The following NDP variants were observed in gnomAD, a reference collection of about 807,000 sequenced individuals.
NDP encodes norrin cystine knot growth factor NDP, also known as norrin.
NDP carries 2 observed loss-of-function variants against 8.4 expected under a neutral mutation model. The ratio of observed to expected loss-of-function variants is 0.24; its 90% confidence interval spans 0.10 to 0.75. NDP has a LOEUF of 0.75. Among genes scored for constraint, NDP ranks in the 30% least tolerant of loss-of-function variants. The pLI, the probability that NDP is intolerant of heterozygous loss-of-function variation, is 0.73. For missense variants in NDP, 81 were observed against 110.1 expected (o/e 0.74, Z 1.18); for synonymous variants, 55 against 45.6 (o/e 1.21, Z -0.83).
chrX:43,963,339 C>CTGGATGGT (rs1201453393), intron 1 of NDP, among the ~76,000 whole-genome samples: 1 of 58,131 alleles, frequency 1.7e-5, no homozygotes, highest in African/African-American at 5.3e-5. Context: ...TGTTGTTTTC[C>CTGGATGGT]TGGATGGTTT....
At chrX:43,970,944 G>A (rs753649733) in intron 1 of NDP, among the ~76,000 whole-genome samples, 8 of 111,983 alleles carry the variant, frequency 7.1e-5, no homozygotes, top group East Asian at 2.8e-4. Flanking sequence ...TGCAAATGAC[G>A]TGTACCCAGG....
At chrX:43,969,093 T>C (rs1485819292) in intron 1 of NDP, among the ~76,000 whole-genome samples, 2 of 111,674 alleles carry the variant, frequency 1.8e-5, no homozygotes, top group Admixed American at 9.5e-5. Context: ...GAATCTCTAA[T>C]TGAGAGGTCC....
At chrX:43,962,857 G>A (rs965280357) in intron 1 of NDP, among the ~76,000 whole-genome samples, 1 of 112,044 alleles carries the variant, frequency 8.9e-6, no homozygotes, top group Admixed American at 9.4e-5. Flanking sequence ...CAGTGGAAAA[G>A]AACAACTGGT....
At position 43,951,009 on chromosome X, in the gene NDP, C is replaced by A. The variant is rs138041302; in HGVS notation, c.175-983G>T. Reference sequence around the variant, plus strand: ...GGGTGGGACAGCTTGACTCATTAAGCTGCATAATCCTAATATCAAGGTGGG... The same window carrying A: ...GGGTGGGACAGCTTGACTCATTAAGATGCATAATCCTAATATCAAGGTGGG... On this transcript the variant is annotated intron_variant, in intron 2 of 2. Coordinates refer to ENST00000642620, the MANE Select transcript of NDP (RefSeq NM_000266.4). 3.9e-3 allele frequency among the ~76,000 whole-genome samples: 428 copies of A among 111,096 alleles called. 2 individuals are homozygous for A. Among genetic ancestry groups the A allele is most frequent in the African/African-American group, 0.013 (388 of 30,576 alleles).
intron 1 of NDP, among the ~76,000 whole-genome samples, chrX:43,959,981 T>C (rs1449348182): frequency 8.9e-6 from 1 of 112,294 alleles, no homozygotes; most frequent in African/African-American, 3.2e-5. Flanking sequence ...GATTAGGAGT[T>C]CAAGTTGGCA....
At chrX:43,950,336 C>A (rs1380446052) in intron 2 of NDP, among the ~76,000 whole-genome samples, 1 of 108,145 alleles carries the variant, frequency 9.2e-6, no homozygotes, top group Non-Finnish European at 1.9e-5. Context: ...AACCAAAGAA[C>A]AAAAGAAATT....
At chrX:43,960,302 G>A (rs2035819417) in intron 1 of NDP, among the ~76,000 whole-genome samples, 1 of 111,828 alleles carries the variant, frequency 8.9e-6, no homozygotes, top group African/African-American at 3.2e-5. Flanking sequence ...TTCCTCATCT[G>A]TAGAGGGAAG....
At chrX:43,960,133 A>C (rs1238987516) in intron 1 of NDP, among the ~76,000 whole-genome samples, 1 of 94,584 alleles carries the variant, frequency 1.1e-5, no homozygotes, top group Non-Finnish European at 2.2e-5. Flanking sequence ...ATCCCTGGCA[A>C]TAGCAAAGCC....
intron 1 of NDP, among the ~76,000 whole-genome samples, chrX:43,961,757 TTGAG>T (rs1196404567): frequency 9.0e-6 from 1 of 111,525 alleles, no homozygotes; most frequent in African/African-American, 3.3e-5. Flanking sequence ...TTGTGCCAGT[TTGAG>T]TATTTTAAAA....
At chrX:43,953,981 A>G (rs1216387317) in intron 2 of NDP, among the ~76,000 whole-genome samples, 2 of 112,630 alleles carry the variant, frequency 1.8e-5, no homozygotes, top group African/African-American at 6.5e-5. Context: ...TGAATCTTCC[A>G]AGAGCCTTGA....
intron 1 of NDP, among the ~76,000 whole-genome samples, chrX:43,972,365 G>A (rs2035895301): frequency 9.0e-6 from 1 of 110,771 alleles, no homozygotes; most frequent in East Asian, 2.8e-4. Context: ...CAAACTTCCC[G>A]TCCCCCAAGA....
intron 2 of NDP, among the ~76,000 whole-genome samples, chrX:43,955,999 C>T (rs1048768123): frequency 3.6e-5 from 4 of 112,185 alleles, no homozygotes; most frequent in Non-Finnish European, 3.8e-5. Context: ...ATATGAAGAT[C>T]CAAGTAGTGG....
intron 1 of NDP, among the ~76,000 whole-genome samples, chrX:43,959,977 G>A (rs891267787): frequency 1.8e-5 from 2 of 112,184 alleles, no homozygotes; most frequent in African/African-American, 6.5e-5. Flanking sequence ...TCAAGATTAG[G>A]AGTTCAAGTT....
chrX:43,972,019 C>G (rs186506973), intron 1 of NDP, among the ~76,000 whole-genome samples: 1 of 111,828 alleles, frequency 8.9e-6, no homozygotes, highest in Non-Finnish European at 1.9e-5. Flanking sequence ...TGGTTGACAC[C>G]CACAGCAACT....
intron 1 of NDP, among the ~76,000 whole-genome samples, chrX:43,963,073 C>G (rs1018963320): frequency 1.8e-5 from 2 of 112,191 alleles, no homozygotes; most frequent in Admixed American, 9.4e-5. Flanking sequence ...TGGCCTTATT[C>G]TTGCCTTGCT....
intron 2 of NDP, among the ~76,000 whole-genome samples, chrX:43,952,223 C>T (rs1187119131): frequency 9.0e-6 from 1 of 111,532 alleles, no homozygotes; most frequent in Admixed American, 9.5e-5. Flanking sequence ...AATTCCCACC[C>T]CCATTTCTCT....
intron 1 of NDP, chrX:43,969,411 G>C (rs188094775): frequency 6.3e-5 from 7 of 111,852 alleles, no homozygotes; most frequent in African/African-American, 9.8e-5. Flanking sequence ...GTTTCAAGCC[G>C]CTTGTCTCTC....
intron 1 of NDP, among the ~76,000 whole-genome samples, chrX:43,966,785 G>A (rs2035860039): frequency 9.0e-6 from 1 of 111,556 alleles, no homozygotes; most frequent in African/African-American, 3.3e-5. Context: ...TTTCTTCAAA[G>A]AGTGCAGCAA....
At chrX:43,962,742 G>A (rs754652709) in intron 1 of NDP, among the ~76,000 whole-genome samples, 34 of 111,694 alleles carry the variant, frequency 3.0e-4, no homozygotes, top group Non-Finnish European at 5.1e-4. Context: ...GGACTTGGCC[G>A]ACGTACAGAG....
Sources: allele counts gnomAD v4.1 joint callset (sites outside exome capture counted in the v4.1 genomes callset), GRCh38; gene constraint gnomAD v4.1.1; transcripts MANE v1.5; gene names NCBI Gene and HGNC (gene_info 2026-07-23, HGNC 2026-07-21).